S100B: variants seen among roughly 807,000 people sequenced by gnomAD.
S100B encodes the protein protein S100-B.
Under a neutral mutation model 7.7 loss-of-function variants are expected in S100B, and 6 were observed. The ratio of observed to expected loss-of-function variants is 0.78; its 90% CI spans 0.43 to 1.54. The LOEUF is 1.54. Among genes scored for constraint, S100B ranks in the 40% most tolerant of loss-of-function variants. The pLI is 0.01. For synonymous variants in S100B, 36 were observed against 40.4 expected, an observed-to-expected ratio of 0.89 and a Z score of 0.41; for missense variants, 99 against 111.8, an observed-to-expected ratio of 0.89 and a Z score of 0.52.
intron 1 of S100B, chr21:46,602,896 TAAG>T (rs1434063939): frequency 1.3e-5 from 2 of 154,394 alleles, no homozygotes; most frequent in East Asian, 1.9e-4. Flanking sequence ...AGGAGCAAAA[TAAG>T]AAGACAAAAA....
intron 2 of S100B, among the ~76,000 whole-genome samples, chr21:46,600,975 C>T (rs548256323): frequency 3.2e-4 from 48 of 152,120 alleles, no homozygotes; most frequent in Non-Finnish European, 6.3e-4. Context: ...GTCACTCTGT[C>T]GGCTTGAATG....
chr21:46,604,486 T>C (rs2061051921), intron 1 of S100B, among the ~76,000 whole-genome samples: 1 of 152,158 alleles, frequency 6.6e-6, no homozygotes, highest in Admixed American at 6.5e-5. Flanking sequence ...TTTGTAATTG[T>C]TACGTAATTT....
intron 2 of S100B, among the ~76,000 whole-genome samples, chr21:46,599,922 GTCT>G (rs766914682): frequency 5.9e-5 from 9 of 152,222 alleles, no homozygotes; most frequent in Non-Finnish European, 1.3e-4. Flanking sequence ...TGTTTTGAAA[GTCT>G]TCTTTGTTGC....
intron 2 of S100B, among the ~76,000 whole-genome samples, chr21:46,600,591 G>C (rs934609871): frequency 2.6e-5 from 4 of 152,076 alleles, no homozygotes; most frequent in Non-Finnish European, 5.9e-5. Flanking sequence ...GTAACTCCAC[G>C]GGGGTAGAGG....
intron 1 of S100B, among the ~76,000 whole-genome samples, chr21:46,603,392 A>AGGGGGGGGCGGG (rs1555923741): frequency 0.066 from 2,531 of 38,384 alleles, 141 homozygotes; most frequent in Middle Eastern, 0.19. Context: ...GGACGGCGGG[A>AGGGGGGGGCGGG]GGGGGTGGGG....
At chr21:46,600,608 G>GGCA (rs2061038924) in intron 2 of S100B, among the ~76,000 whole-genome samples, 2 of 152,082 alleles carry the variant, frequency 1.3e-5, no homozygotes, top group African/African-American at 4.8e-5. Flanking sequence ...GAGGTGGGGA[G>GGCA]GCACCTGTGG....
At chr21:46,604,698 G>A (rs1443872096) in intron 1 of S100B, among the ~76,000 whole-genome samples, 1 of 152,126 alleles carries the variant, frequency 6.6e-6, no homozygotes, top group Non-Finnish European at 1.5e-5. Context: ...TCTTCAAATA[G>A]TTACAGAAGA....
chr21:46,603,568 C>T (rs1019973186), intron 1 of S100B, among the ~76,000 whole-genome samples: 4 of 152,090 alleles, frequency 2.6e-5, no homozygotes, highest in Non-Finnish European at 4.4e-5. Flanking sequence ...AAAACAGATG[C>T]GCAGTCAGAG....
chr21:46,601,761 T>C (rs2061041914), intron 2 of S100B, among the ~76,000 whole-genome samples: 1 of 152,244 alleles, frequency 6.6e-6, no homozygotes, highest in South Asian at 2.1e-4. Flanking sequence ...AAGCCAGTCA[T>C]GGTCATTCAT....
At chr21:46,603,392 A>AGGGGGTGGGGGGAGGGGGGGCGGGGGGG (rs796474856) in intron 1 of S100B, among the ~76,000 whole-genome samples, 7 of 38,228 alleles carry the variant, frequency 1.8e-4, no homozygotes, top group South Asian at 1.5e-3. Context: ...GGACGGCGGG[A>AGGGGGTGGGGGGAGGGGGGGCGGGGGGG]GGGGGTGGGG....
chr21:46,598,669 C>T lies in S100B; in HGVS notation c.*694G>A, dbSNP rs976380787. Among the ~76,000 whole-genome samples, 2 of 152,224 alleles carry T rather than the reference C, an allele frequency of 1.3e-5. No homozygotes were observed. Among genetic ancestry groups the T allele is most frequent in the African/African-American group, 4.8e-5 (2 of 41,470 alleles). On this transcript the variant is annotated 3_prime_UTR_variant, in exon 3 of 3. Coordinates refer to ENST00000291700, the MANE Select transcript of S100B (RefSeq NM_006272.3). ...GTGGCTCAGAGCCCCCGGTAGTGCCCTCGGAAGCCGCATGTGCTGGAGGCA... is the reference window on the plus strand; with the variant it reads ...GTGGCTCAGAGCCCCCGGTAGTGCCTTCGGAAGCCGCATGTGCTGGAGGCA...
Position 46,599,164 on chromosome 21 carries a change from A to G in S100B, c.*199T>C. The G allele has an allele frequency of 1.7e-6, 1 of 598,484 alleles. No homozygotes were observed. Among genetic ancestry groups the G allele is most frequent in the African/African-American group, 1.9e-5 (1 of 53,910 alleles). The allele number at this position is 598,484 out of a possible 1,614,324, so 37.1% of individuals were successfully genotyped here. ...CAGTCAGCTTACACACAGGCCTAAT[A>G]TAGCAGAAAGAATGATGCAGGCCGT... On this transcript the variant is annotated 3_prime_UTR_variant, in exon 3 of 3. Transcript: ENST00000291700.
chr21:46,600,424 T>A (rs558869732), intron 2 of S100B: 2 of 414,642 alleles, frequency 4.8e-6, no homozygotes, highest in South Asian at 3.5e-5. Context: ...CATGTGCCCG[T>A]ATTCCCAGCT....
chr21:46,603,392 A>AGGGGGTGGGGGGGGCGGGGGGG (rs796474856), intron 1 of S100B, among the ~76,000 whole-genome samples: 2 of 38,206 alleles, frequency 5.2e-5, no homozygotes, highest in African/African-American at 2.1e-4. Context: ...GGACGGCGGG[A>AGGGGGTGGGGGGGGCGGGGGGG]GGGGGTGGGG....
chr21:46,600,646 A>G (rs558244201), intron 2 of S100B, among the ~76,000 whole-genome samples: 7 of 152,274 alleles, frequency 4.6e-5, no homozygotes, highest in South Asian at 4.1e-4. Context: ...ACTAACTTCA[A>G]TTATATTATA....
chr21:46,603,398 T>TGGGGGGTGGGGGGGGCGGGGGGGGGGGG, intron 1 of S100B, among the ~76,000 whole-genome samples: 12 of 52,114 alleles, frequency 2.3e-4, no homozygotes, highest in South Asian at 1.0e-3. Context: ...CGGGAGGGGG[T>TGGGGGGTGGGGGGGGCGGGGGGGGGGGG]GGGGGCAGGA....
At chr21:46,601,620 C>A (rs1250029457) in intron 2 of S100B, among the ~76,000 whole-genome samples, 1 of 152,212 alleles carries the variant, frequency 6.6e-6, no homozygotes, top group African/African-American at 2.4e-5. Flanking sequence ...CCAGGAGCCC[C>A]CACACAGCTT....
At chr21:46,603,029 T>G (rs751603881) in intron 1 of S100B, 5 of 152,144 alleles carry the variant, frequency 3.3e-5, no homozygotes, top group Non-Finnish European at 7.4e-5. Context: ...CGTAGGTCCT[T>G]CCAAGAGATT....
Position 46,602,348 on chromosome 21 carries a change from C to A in S100B, c.68G>T (p.Gly23Val), listed in dbSNP as rs376799186. ...GGATTTCTTCAGCTTGTGCTTGTCT[C>A]CCTCCCTTCCAGAATATTGGTGGAA... ...DVFHQYSGRE[G>V]DKHKLKKSEL... The change falls in exon 2 of 3, where the codon GGA becomes GTA. Residue 23 changes from glycine (G) to valine (V), a missense_variant. Coordinates refer to ENST00000291700, the MANE Select transcript of S100B (RefSeq NM_006272.3). 1.9e-6 allele frequency: 3 copies of A among 1,613,988 alleles called. No homozygotes were observed. The highest frequency in any genetic ancestry group is 2.5e-6 in the Non-Finnish European group (3 of 1,179,858).
Sources: allele counts gnomAD v4.1 joint callset (sites outside exome capture counted in the v4.1 genomes callset), GRCh38; gene constraint gnomAD v4.1.1; transcripts MANE v1.5; gene names NCBI Gene and HGNC (gene_info 2026-07-23, HGNC 2026-07-21).